The following FHIT variants were observed in gnomAD, a reference collection of about 807,000 sequenced individuals.
FHIT encodes bis(5'-adenosyl)-triphosphatase.
A neutral mutation model predicts 17.9 loss-of-function variants in FHIT; 19 were observed. The ratio of observed to expected loss-of-function variants is 1.06; its 90% CI spans 0.74 to 1.56. FHIT has a LOEUF of 1.56. Ranked by LOEUF, FHIT falls within the 40% of genes most tolerant of loss-of-function variation. The probability of loss-of-function intolerance (pLI) is 0.00; values close to 1 mark genes in which losing one functional copy is unlikely to be tolerated. For missense variants in FHIT, 248 were observed against 189.2 expected, an observed-to-expected ratio of 1.31 and a Z score of -1.82; for synonymous variants, 81 against 69.7, an observed-to-expected ratio of 1.16 and a Z score of -0.81.
At chr3:60,751,615 A>ATAC (rs545922764) in intron 4 of FHIT, among the ~76,000 whole-genome samples, 12 of 152,256 alleles carry the variant, frequency 7.9e-5, no homozygotes, top group Non-Finnish European at 1.5e-5. Flanking sequence ...AGAAAGCTTT[A>ATAC]TACTACCCAC....
chr3:60,546,139 T>C (rs1489280205), intron 4 of FHIT, among the ~76,000 whole-genome samples: 1 of 152,214 alleles, frequency 6.6e-6, no homozygotes, highest in Non-Finnish European at 1.5e-5. Flanking sequence ...TTGTTTTCTA[T>C]CCATTAAAGA....
chr3:60,397,280 G>A (rs1340671451), intron 5 of FHIT, among the ~76,000 whole-genome samples: 7 of 152,174 alleles, frequency 4.6e-5, no homozygotes, highest in Non-Finnish European at 1.0e-4. Flanking sequence ...TAGACACCTA[G>A]GAGATTACTG....
intron 3 of FHIT, among the ~76,000 whole-genome samples, chr3:60,848,682 T>C (rs1187756264): frequency 1.3e-5 from 2 of 152,196 alleles, no homozygotes. Flanking sequence ...ATATAGATAC[T>C]TACCTCACCA....
chr3:60,823,533 A>G (rs538039581), intron 3 of FHIT, among the ~76,000 whole-genome samples: 2 of 152,272 alleles, frequency 1.3e-5, no homozygotes, highest in Admixed American at 1.3e-4. Context: ...ATAAAGGCAG[A>G]GATTGGAGTT....
intron 2 of FHIT, among the ~76,000 whole-genome samples, chr3:61,042,650 C>A (rs746380772): frequency 9.2e-5 from 14 of 151,940 alleles, no homozygotes; most frequent in Non-Finnish European, 1.9e-4. Context: ...ACCAGCCTGG[C>A]CAACATGGTG....
intron 4 of FHIT, among the ~76,000 whole-genome samples, chr3:60,781,630 A>T (rs1226600275): frequency 6.6e-6 from 1 of 152,164 alleles, no homozygotes; most frequent in African/African-American, 2.4e-5. Flanking sequence ...CAAAGTACAT[A>T]TCCTATTGCT....
intron 5 of FHIT, among the ~76,000 whole-genome samples, chr3:60,393,418 A>AT (rs1701309386): frequency 6.7e-6 from 1 of 149,592 alleles, no homozygotes; most frequent in South Asian, 2.1e-4. Context: ...CATATATAAT[A>AT]TATAATTTTA....
intron 4 of FHIT, among the ~76,000 whole-genome samples, chr3:60,611,707 T>C (rs1007376574): frequency 1.1e-4 from 17 of 152,192 alleles, no homozygotes; most frequent in African/African-American, 4.1e-4. Flanking sequence ...TGAGTATCAC[T>C]ACCTCTGTCA....
intron 7 of FHIT, among the ~76,000 whole-genome samples, chr3:59,982,393 G>GT (rs1708694103): frequency 6.6e-6 from 1 of 152,110 alleles, no homozygotes; most frequent in Non-Finnish European, 1.5e-5. Context: ...TTAATTTGTG[G>GT]TTTTATAAGC....
chr3:60,440,562 T>A (rs927701097), intron 5 of FHIT, among the ~76,000 whole-genome samples: 3 of 152,130 alleles, frequency 2.0e-5, no homozygotes, highest in African/African-American at 4.8e-5. Context: ...ACTATTGATA[T>A]CTTACCATGA....
At chr3:60,338,805 G>C (rs1710370315) in intron 5 of FHIT, among the ~76,000 whole-genome samples, 1 of 152,148 alleles carries the variant, frequency 6.6e-6, no homozygotes, top group Admixed American at 6.6e-5. Flanking sequence ...ATTACCAACT[G>C]ATACGCAAAA....
At chr3:60,454,802 C>A (rs2031983032) in intron 5 of FHIT, among the ~76,000 whole-genome samples, 1 of 152,126 alleles carries the variant, frequency 6.6e-6, no homozygotes, top group Admixed American at 6.6e-5. Flanking sequence ...ACACACATAA[C>A]CTCATTTCCC....
intron 5 of FHIT, among the ~76,000 whole-genome samples, chr3:60,175,560 G>T (rs1701631674): frequency 6.6e-6 from 1 of 152,150 alleles, no homozygotes; most frequent in South Asian, 2.1e-4. Flanking sequence ...GACTCTTTGG[G>T]AAGTCTAAAT....
chr3:60,377,204 CTT>C (rs34034610), intron 5 of FHIT, among the ~76,000 whole-genome samples: 224 of 140,456 alleles, frequency 1.6e-3, no homozygotes, highest in East Asian at 4.6e-3. Flanking sequence ...AGCCATTAAG[CTT>C]TTTTTTTTTT....
chr3:60,251,621 C>T (rs1463073560), intron 5 of FHIT, among the ~76,000 whole-genome samples: 2 of 152,252 alleles, frequency 1.3e-5, no homozygotes, highest in Non-Finnish European at 1.5e-5. Flanking sequence ...CAATAAGATA[C>T]ACTCCATGCA....
At chr3:60,937,567 C>CTTTTTTT (rs5849404) in intron 3 of FHIT, among the ~76,000 whole-genome samples, 2 of 135,144 alleles carry the variant, frequency 1.5e-5, no homozygotes, top group East Asian at 2.2e-4. Context: ...CTTTTCTTTT[C>CTTTTTTT]TTTTTTTTTT....
At chr3:60,212,937 T>C (rs1346634937) in intron 5 of FHIT, among the ~76,000 whole-genome samples, 1 of 152,116 alleles carries the variant, frequency 6.6e-6, no homozygotes, top group Non-Finnish European at 1.5e-5. Flanking sequence ...TTTTGCTAAC[T>C]CCAGAAGCCA....
At position 60,889,487 on chromosome 3, in the gene FHIT, T is replaced by A. The variant is rs531658952; in HGVS notation, c.-110-67476A>T. Among the ~76,000 whole-genome samples, 4 of 152,350 alleles carry A rather than the reference T, an allele frequency of 2.6e-5. No homozygotes were observed. In the South Asian group the frequency reaches 8.3e-4, roughly 32 times the overall value. Reference sequence around the variant, plus strand: ...GACATTCATTTATATAAAGATCAATTTTTAATAGCTACAATCTATAGAGCA... The same window carrying A: ...GACATTCATTTATATAAAGATCAATATTTAATAGCTACAATCTATAGAGCA... On this transcript the variant is annotated intron_variant, in intron 3 of 9. Transcript: ENST00000492590.
intron 8 of FHIT, among the ~76,000 whole-genome samples, chr3:59,883,211 A>T (rs528326366): frequency 6.6e-6 from 1 of 152,374 alleles, no homozygotes; most frequent in South Asian, 2.1e-4. Flanking sequence ...AGAAAATATT[A>T]AAAACTCTGT....
Sources: gnomAD v4.1 joint callset for allele counts (sites outside exome capture counted in the v4.1 genomes callset) on GRCh38, gnomAD v4.1.1 for gene constraint, MANE v1.5 for transcripts, NCBI Gene and HGNC (gene_info 2026-07-23, HGNC 2026-07-21) for gene names.